EYA2: variants seen among roughly 807,000 people sequenced by gnomAD.
EYA2 encodes the protein EYA transcriptional coactivator and phosphatase 2.
A neutral mutation model predicts 69.2 loss-of-function variants in EYA2; 31 were observed. The observed-to-expected ratio is 0.45, with a 90% CI of 0.34 to 0.60. The LOEUF is 0.60. EYA2 is among the 20% of genes least tolerant of loss of function. The probability of loss-of-function intolerance (pLI) is 0.02; values close to 1 mark genes in which losing one functional copy is unlikely to be tolerated. For synonymous variants in EYA2, 257 were observed against 279.4 expected (o/e 0.92, Z 0.80); for missense variants, 622 against 701.2 (o/e 0.89, Z 1.28).
At position 47,188,238 on chromosome 20, in the gene EYA2, G is replaced by A; in HGVS notation, c.*105G>A. 8.9e-7 allele frequency: 1 copy of A among 1,119,640 alleles called. No homozygotes were observed. Among genetic ancestry groups the A allele is most frequent in the South Asian group, 1.3e-5 (1 of 74,126 alleles). The allele number at this position is 1,119,640 out of a possible 1,614,324, so 69.4% of individuals were successfully genotyped here. A position where few individuals can be genotyped will look rare whatever the true frequency, so the allele number is the denominator to read the frequency against. On this transcript the variant is annotated 3_prime_UTR_variant, in exon 16 of 16. Transcript: ENST00000327619. ...GACCCAGATGTTGGACACCAGGAAG[G>A]GGCCCCACAGCCGAGACGACGTGTC...
chr20:47,128,165 G>T (rs913976033), intron 9 of EYA2, among the ~76,000 whole-genome samples: 5 of 152,182 alleles, frequency 3.3e-5, no homozygotes, highest in Admixed American at 1.3e-4. Flanking sequence ...CGCGGCCAAG[G>T]TGTCTGGTTC....
chr20:47,161,336 G>A (rs574568561), intron 10 of EYA2: 15 of 482,912 alleles, frequency 3.1e-5, no homozygotes, highest in African/African-American at 1.6e-4. Flanking sequence ...TATAGTCACC[G>A]ATGACAATAA....
At chr20:47,047,315 C>T (rs2030091638) in intron 5 of EYA2, among the ~76,000 whole-genome samples, 1 of 152,082 alleles carries the variant, frequency 6.6e-6, no homozygotes. Flanking sequence ...AGGAGTAGGG[C>T]AGGTCACGCA....
intron 9 of EYA2, among the ~76,000 whole-genome samples, chr20:47,108,132 G>A (rs1172018502): frequency 2.0e-5 from 3 of 152,170 alleles, no homozygotes; most frequent in Non-Finnish European, 4.4e-5. Context: ...GTTTCAGTAT[G>A]GTTTGTTGAG....
At position 46,904,168 on chromosome 20, in the gene EYA2, G is replaced by A. The variant is rs1411322479; in HGVS notation, c.-11+9181G>A. Among the ~76,000 whole-genome samples, 4 of 152,054 alleles carry A rather than the reference G, an allele frequency of 2.6e-5. No individual in the cohort carries two copies. In the East Asian group the frequency reaches 5.8e-4, roughly 22 times the overall value. ...TGACCCTCTCAACGTCCCAGACATCGGAGACAGCAGTTAACTGTTCCTGGG... is the reference window on the plus strand; with the variant it reads ...TGACCCTCTCAACGTCCCAGACATCAGAGACAGCAGTTAACTGTTCCTGGG... On this transcript the variant is annotated intron_variant, in intron 1 of 15. Coordinates refer to ENST00000327619, the MANE Select transcript of EYA2 (RefSeq NM_005244.5).
intron 2 of EYA2, among the ~76,000 whole-genome samples, chr20:46,999,129 T>G (rs1982205786): frequency 6.6e-6 from 1 of 152,224 alleles, no homozygotes; most frequent in South Asian, 2.1e-4. Flanking sequence ...CCAAGTTAAT[T>G]CGAGCCCATA....
chr20:47,123,161 C>CT (rs531314950), intron 9 of EYA2, among the ~76,000 whole-genome samples: 7 of 148,926 alleles, frequency 4.7e-5, no homozygotes, highest in Middle Eastern at 3.5e-3. Context: ...GCAAATGACA[C>CT]TTTTTTTTTT....
At chr20:47,027,207 A>G (rs1340775) in intron 5 of EYA2, among the ~76,000 whole-genome samples, 100,275 of 152,094 alleles carry the variant, frequency 0.66, 35,587 homozygotes, top group Non-Finnish European at 0.8. Context: ...CTCATGGTGA[A>G]ATGGAGTCAT....
intron 1 of EYA2, among the ~76,000 whole-genome samples, chr20:46,898,359 T>G (rs1309375860): frequency 6.7e-6 from 1 of 149,734 alleles, no homozygotes; most frequent in Non-Finnish European, 1.5e-5. Context: ...AAAGAATTAA[T>G]CCCAGAGTTA....
At chr20:46,938,363 A>G (rs1373614859) in intron 1 of EYA2, among the ~76,000 whole-genome samples, 2 of 152,242 alleles carry the variant, frequency 1.3e-5, no homozygotes, top group African/African-American at 4.8e-5. Flanking sequence ...AGTATCTATT[A>G]CTGCATAACA....
chr20:47,156,595 G>C, intron 10 of EYA2, among the ~76,000 whole-genome samples: 1 of 151,802 alleles, frequency 6.6e-6, no homozygotes. Flanking sequence ...GATAGCTTTA[G>C]GAGCCATCAG....
intron 9 of EYA2, among the ~76,000 whole-genome samples, chr20:47,125,047 GTTTTTTTTTTTTT>G (rs11478823): frequency 0.085 from 7,583 of 88,704 alleles, 694 homozygotes; most frequent in African/African-American, 0.26. Flanking sequence ...TTTTGGTTAA[GTTTTTTTTTTTTT>G]TTTTTTTTTT....
chr20:47,071,037 C>A (rs2031295875), intron 5 of EYA2, among the ~76,000 whole-genome samples: 1 of 151,402 alleles, frequency 6.6e-6, no homozygotes, highest in Non-Finnish European at 1.5e-5. Flanking sequence ...AAGATGGAGT[C>A]TTGCTCTGTC....
intron 12 of EYA2, among the ~76,000 whole-genome samples, chr20:47,178,466 A>G (rs1225795787): frequency 7.5e-6 from 1 of 133,274 alleles, no homozygotes; most frequent in African/African-American, 3.3e-5. Flanking sequence ...GCAGGAGTCC[A>G]CTTGGTGTTT....
At chr20:47,113,413 T>C (rs759059697) in intron 9 of EYA2, among the ~76,000 whole-genome samples, 61 of 152,134 alleles carry the variant, frequency 4.0e-4, no homozygotes, top group Non-Finnish European at 5.7e-4. Flanking sequence ...TGTGCCCACC[T>C]CTCAGCTAAG....
At chr20:47,058,880 C>T (rs902807861) in intron 5 of EYA2, among the ~76,000 whole-genome samples, 7 of 152,272 alleles carry the variant, frequency 4.6e-5, no homozygotes, top group Non-Finnish European at 8.8e-5. Context: ...GACATGCCCA[C>T]GGCAACATGG....
chr20:47,025,445 C>G (rs1984025494), intron 5 of EYA2, among the ~76,000 whole-genome samples: 1 of 152,206 alleles, frequency 6.6e-6, no homozygotes, highest in Non-Finnish European at 1.5e-5. Flanking sequence ...CTTCGTTTTC[C>G]TCATTTAGCT....
intron 1 of EYA2, among the ~76,000 whole-genome samples, chr20:46,895,835 C>CT (rs1310626504): frequency 1.4e-4 from 22 of 152,314 alleles, no homozygotes; most frequent in African/African-American, 5.3e-4. Context: ...TCGCAAAAGA[C>CT]TCAGTGCGCT....
At chr20:46,985,864 G>C (rs559444084) in intron 1 of EYA2, among the ~76,000 whole-genome samples, 7 of 152,062 alleles carry the variant, frequency 4.6e-5, no homozygotes, top group Non-Finnish European at 1.0e-4. Context: ...AAACCCTAGG[G>C]AGTGGGGAAA....
Sources: gnomAD v4.1 joint callset for allele counts (sites outside exome capture counted in the v4.1 genomes callset) on GRCh38, gnomAD v4.1.1 for gene constraint, MANE v1.5 for transcripts, NCBI Gene and HGNC (gene_info 2026-07-23, HGNC 2026-07-21) for gene names.